Variants in CCNF observed in about 807,000 individuals in gnomAD.
CCNF encodes cyclin F, also known as cyclin-F.
CCNF carries 30 observed loss-of-function variants against 85.4 expected under a neutral mutation model. The ratio of observed to expected loss-of-function variants is 0.35; its 90% CI spans 0.26 to 0.48. The LOEUF is 0.48. Ranked by LOEUF, CCNF falls within the 20% of genes least tolerant of loss-of-function variation. The pLI is 0.99. For missense variants in CCNF, 919 were observed against 1,010.4 expected, an observed-to-expected ratio of 0.91 and a Z score of 1.23; for synonymous variants, 439 against 425.1, an observed-to-expected ratio of 1.03 and a Z score of -0.40.
intron 10 of CCNF, among the ~76,000 whole-genome samples, chr16:2,447,563 A>T (rs1414789786): frequency 2.0e-5 from 3 of 151,950 alleles, no homozygotes; most frequent in Non-Finnish European, 4.4e-5. Flanking sequence ...CAGCCTGGGC[A>T]ATGGCGCAAG....
intron 8 of CCNF, among the ~76,000 whole-genome samples, chr16:2,441,719 G>C (rs952859870): frequency 6.6e-6 from 1 of 151,488 alleles, no homozygotes; most frequent in African/African-American, 2.4e-5. Flanking sequence ...GTTTCACCAT[G>C]TTGGCCAGGC....
At chr16:2,455,585 C>CACCA in intron 16 of CCNF, 21 bp downstream of exon 16, 1 of 1,578,636 alleles carries the variant, frequency 6.3e-7, no homozygotes. Flanking sequence ...GGCCAGGGTG[C>CACCA]ACCAGAAGGG....
Position 2,453,569 on chromosome 16 carries a change from C to T in CCNF, c.1715+32C>T. 1 of 1,612,638 alleles carries T rather than the reference C, an allele frequency of 6.2e-7. No homozygotes were observed. On this transcript the variant is annotated intron_variant, in intron 15 of 16. Transcript: ENST00000397066. The surrounding 1 kb of genome is among the most constrained non-coding windows in gnomAD (Gnocchi z 5.6). ...TACCCTGCGTTCTGGCTGCGCCATA[C>T]AATGCTGGCATCCTCGTGCCGGCCC...
At position 2,445,504 on chromosome 16, in the gene CCNF, T is replaced by C; in HGVS notation, c.976T>C (p.Phe326Leu). 1.2e-6 allele frequency: 2 copies of C among 1,613,922 alleles called. 1 individual carries two copies. Among genetic ancestry groups the C allele is most frequent in the Non-Finnish European group, 1.7e-6 (2 of 1,180,026 alleles). ...WLVEVATMKD[F>L]TSLCLHLTVE... Reference sequence around the variant, plus strand: ...GGTGGAAGTTGCCACCATGAAGGACTTCACAAGCCTGTGCCTGCACCTGAC... The same window carrying C: ...GGTGGAAGTTGCCACCATGAAGGACCTCACAAGCCTGTGCCTGCACCTGAC... The change falls in exon 10 of 17, where the codon TTC becomes CTC. Residue 326 changes from phenylalanine (F) to leucine (L), a missense_variant. Around this residue, in one of 3 missense-constraint regions of CCNF, gnomAD observed 410 missense variants for 478.6 expected, o/e 0.86. Transcript: ENST00000397066.
chr16:2,448,203 G>T (rs11648784), intron 10 of CCNF, among the ~76,000 whole-genome samples: 114,673 of 152,106 alleles, frequency 0.75, 44,163 homozygotes, highest in African/African-American at 0.92. Context: ...CACCTTCTGG[G>T]TCTATAACAT....
rs1181079579 is a variant in CCNF, at chr16:2,449,595, C to T, written c.1399+133C>T. The T allele has an allele frequency of 2.0e-5, 18 of 901,554 alleles. No individual in the cohort carries two copies. In the Middle Eastern group the frequency reaches 3.1e-3, roughly 156 times the overall value. The allele number at this position is 901,554 out of a possible 1,614,324, so 55.8% of individuals were successfully genotyped here. Reference sequence around the variant, plus strand: ...TGGGGGGTGAGATACAGCACGGCTCCTACCTTCAGTGATGTCCCAGATTTC... The same window carrying T: ...TGGGGGGTGAGATACAGCACGGCTCTTACCTTCAGTGATGTCCCAGATTTC... On this transcript the variant is annotated intron_variant, in intron 12 of 16. Coordinates refer to ENST00000397066, the MANE Select transcript of CCNF (RefSeq NM_001761.3).
chr16:2,433,207 CTG>C (rs2065271466), intron 3 of CCNF, 140 bp downstream of exon 3: 2 of 597,870 alleles, frequency 3.3e-6, no homozygotes, highest in Non-Finnish European at 6.1e-6. Context: ...TGGGGAGTGA[CTG>C]AGGGTGGCAG....
rs571588465 is a variant in CCNF at position 2,445,032 on chromosome 16, G to A, written c.930-426G>A. Among the ~76,000 whole-genome samples, 128 of 152,084 alleles carry A rather than the reference G, an allele frequency of 8.4e-4. 1 individual carries two copies. The South Asian group carries it at 0.016, about 19-fold the overall frequency. On this transcript the variant is annotated intron_variant, in intron 9 of 16. Coordinates refer to ENST00000397066, the MANE Select transcript of CCNF (RefSeq NM_001761.3). ...CAGTCCCCCAAGTAGGACTACAAGT[G>A]TCTCCACTCTATTCAGAAAGGCATT...
chr16:2,457,227 T>C lies in CCNF; in HGVS notation c.*207T>C. ...AATGAGGGTGAAGAGCTCAGATCCC[T>C]CTCTTTGGAAAGTTTAGCCTGGAAG... On this transcript the variant is annotated 3_prime_UTR_variant, in exon 17 of 17. Coordinates refer to ENST00000397066, the MANE Select transcript of CCNF (RefSeq NM_001761.3). 2 of 513,144 alleles carry C rather than the reference T, an allele frequency of 3.9e-6. No homozygotes were observed. Among genetic ancestry groups the C allele is most frequent in the East Asian group, 6.4e-5 (2 of 31,220 alleles). The allele number at this position is 513,144 out of a possible 1,614,324, so 31.8% of individuals were successfully genotyped here.
In CCNF at chr16:2,438,120, C is replaced by G. The variant is rs762067213; in HGVS notation, c.591C>G (p.Phe197Leu). Residue 197 changes from phenylalanine to leucine, a missense_variant, in exon 6 of 17, where the codon TTC becomes TTG. Physicochemically the swap from Phe to Leu is conservative, Grantham distance 22 (BLOSUM62 0). This residue lies in a region of CCNF where 410 missense variants were observed against 478.6 expected (regional missense o/e 0.86). Coordinates refer to ENST00000397066, the MANE Select transcript of CCNF (RefSeq NM_001761.3). ...LHCLGRVLSL[F>L]EDEEKQQQAH... ...GCTTGGGCAGAGTGCTGAGTCTGTTCGAGGTGAGTCAAGTTGTTCTCTGCA... is the reference window on the plus strand; with the variant it reads ...GCTTGGGCAGAGTGCTGAGTCTGTTGGAGGTGAGTCAAGTTGTTCTCTGCA... 1.2e-6 allele frequency: 2 copies of G among 1,605,084 alleles called. No individual in the cohort carries two copies. Among genetic ancestry groups the G allele is most frequent in the Non-Finnish European group, 1.7e-6 (2 of 1,171,944 alleles).
rs2141833365 is a variant in CCNF, at chr16:2,456,333, C to G, written c.1886-212C>G. 1 of 482,514 alleles carries G rather than the reference C, an allele frequency of 2.1e-6. No homozygotes were observed. The highest frequency in any genetic ancestry group is 3.3e-5 in the East Asian group (1 of 30,704). The allele number at this position is 482,514 out of a possible 1,614,324, so 29.9% of individuals were successfully genotyped here. ...CACTTGGCTTGAGCTAGATGGCCAA[C>G]TTGTCATCTCCACATTTGTTGGAGT... On this transcript the variant is annotated intron_variant, in intron 16 of 16. Coordinates refer to ENST00000397066, the MANE Select transcript of CCNF (RefSeq NM_001761.3). This position sits in a 1 kb window ranked among gnomAD's most constrained non-coding sequence, Gnocchi z 4.5.
intron 13 of CCNF, among the ~76,000 whole-genome samples, chr16:2,450,336 TAAAAA>T (rs869044588): frequency 4.6e-5 from 3 of 65,910 alleles, no homozygotes; most frequent in African/African-American, 7.1e-5. Context: ...CTGTCTCTAC[TAAAAA>T]AAAAAAAAAA....
intron 8 of CCNF, among the ~76,000 whole-genome samples, chr16:2,441,338 G>A (rs1352466085): frequency 6.6e-6 from 1 of 152,116 alleles, no homozygotes; most frequent in East Asian, 1.9e-4. Flanking sequence ...CAAAGCTGCA[G>A]AGAGCCGTGA....
At chr16:2,437,866 T>C in intron 5 of CCNF, 1 of 533,490 alleles carries the variant, frequency 1.9e-6, no homozygotes, top group Admixed American at 3.2e-5. Flanking sequence ...GCCAATGCAC[T>C]CCAGCCTGGG....
chr16:2,453,369 C>A lies in CCNF; in HGVS notation c.1588-41C>A, dbSNP rs376927048. 1.1e-5 allele frequency: 18 copies of A among 1,613,622 alleles called. No homozygotes were observed. The Middle Eastern group carries it at 4.9e-4, about 44-fold the overall frequency. On this transcript the variant is annotated intron_variant, in intron 14 of 16. Transcript: ENST00000397066. The surrounding 1 kb of genome is among the most constrained non-coding windows in gnomAD (Gnocchi z 5.6). ...GTGCTGGGGTGTGGGCGGGCCTCAC[C>A]CTCGGGGCCTCTGCACCCCCTAACT...
At chr16:2,435,543 C>G (rs548580990) in intron 3 of CCNF, among the ~76,000 whole-genome samples, 1 of 151,216 alleles carries the variant, frequency 6.6e-6, no homozygotes, top group Admixed American at 6.6e-5. Context: ...TGTGATCGCA[C>G]CACTGCACTC....
intron 2 of CCNF, among the ~76,000 whole-genome samples, chr16:2,432,580 C>T (rs891042888): frequency 1.1e-4 from 17 of 152,174 alleles, no homozygotes; most frequent in African/African-American, 2.4e-5. Context: ...TGTTTCCACA[C>T]TCCCACTAGC....
rs371813732 is a variant in CCNF at position 2,429,722 on chromosome 16, G to A, written c.16+225G>A. Among the ~76,000 whole-genome samples the A allele has an allele frequency of 4.6e-5, 7 of 152,238 alleles. No homozygotes were observed. The East Asian group carries it at 7.7e-4, about 17-fold the overall frequency. On this transcript the variant is annotated intron_variant, in intron 1 of 16. Transcript: ENST00000397066. ...CCCGAGCCCCTCGGAGCCTTCCCCCGCGGCGACGTTTTCCGGCCCTTTCCT... is the reference window on the plus strand; with the variant it reads ...CCCGAGCCCCTCGGAGCCTTCCCCCACGGCGACGTTTTCCGGCCCTTTCCT...
chr16:2,443,605 A>G (rs1596922755), intron 8 of CCNF, 44 bp from the exon 9 acceptor site: 5 of 1,596,302 alleles, frequency 3.1e-6, no homozygotes, highest in African/African-American at 2.7e-5. Flanking sequence ...GAAAACTGCA[A>G]CATGGCTGCT....
Sources: allele counts gnomAD v4.1 joint callset (sites outside exome capture counted in the v4.1 genomes callset), GRCh38; gene constraint gnomAD v4.1.1; regional missense constraint gnomAD v4.1.1; non-coding constraint Gnocchi (gnomAD v3.1); transcripts MANE v1.5; gene names NCBI Gene and HGNC (gene_info 2026-07-23, HGNC 2026-07-21).